The following IGFBP7 variants were observed in gnomAD, a reference collection of about 807,000 sequenced individuals.
IGFBP7 encodes insulin-like growth factor-binding protein 7.
Under a neutral mutation model 29.4 loss-of-function variants are expected in IGFBP7, and 31 were observed. The observed-to-expected ratio is 1.05, with a 90% CI of 0.79 to 1.42. IGFBP7 has a LOEUF of 1.42. Among genes scored for constraint, IGFBP7 ranks in the 40% most tolerant of loss-of-function variants. IGFBP7 has a pLI of 0.00. For synonymous variants in IGFBP7, 172 were observed against 174.9 expected, an observed-to-expected ratio of 0.98 and a Z score of 0.13; for missense variants, 393 against 395.5, an observed-to-expected ratio of 0.99 and a Z score of 0.05.
At chr4:57,053,896 C>G (rs1347435400) in intron 1 of IGFBP7, among the ~76,000 whole-genome samples, 1 of 152,168 alleles carries the variant, frequency 6.6e-6, no homozygotes, top group Non-Finnish European at 1.5e-5. Flanking sequence ...TCTTATTCTG[C>G]AAGCACTGAA....
In IGFBP7 at chr4:57,032,640, C is replaced by T. The variant is rs531206638; in HGVS notation, c.703-88G>A. 115 of 1,063,446 alleles carry T rather than the reference C, an allele frequency of 1.1e-4. No individual in the cohort carries two copies. The Admixed American group carries it at 2.0e-3, about 18-fold the overall frequency. 65.9% of individuals were successfully genotyped at this position (1,063,446 alleles called of 1,614,324 possible). The stretch of plus-strand genomic sequence containing the variant: ...GTGAGGTCATTATTTCATAAATTTC[C>T]TAAGATGACCAGGGGATTCATAGCA... On this transcript the variant is annotated intron_variant, in intron 3 of 4. Coordinates refer to ENST00000295666, the MANE Select transcript of IGFBP7 (RefSeq NM_001553.3).
intron 1 of IGFBP7, among the ~76,000 whole-genome samples, chr4:57,081,244 A>AT (rs938320199): frequency 1.1e-4 from 17 of 150,138 alleles, no homozygotes; most frequent in Non-Finnish European, 1.9e-4. Context: ...GGAATTGCCC[A>AT]TTTTTTTTTC....
At position 57,110,290 on chromosome 4, in the gene IGFBP7, A is replaced by C; in HGVS notation, c.62T>G (p.Leu21Arg). ...CGAAGAGGAGGAAGAGGAGAGGGGCAGGAGCAGGAGCAGCAGCCCAGCGGC... is the reference window on the plus strand; with the variant it reads ...CGAAGAGGAGGAAGAGGAGAGGGGCCGGAGCAGGAGCAGCAGCCCAGCGGC... Reference protein sequence around the residue: ...LGAAGLLLLLLPLSSSSSSDT... With the variant: ...LGAAGLLLLLRPLSSSSSSDT... The change falls in exon 1 of 5, where the codon CTG (leucine) becomes CGG (arginine). Residue 21 changes from leucine (L) to arginine (R), a missense_variant. By Grantham distance (102) the Leu-to-Arg change is moderately radical. Coordinates refer to ENST00000295666, the MANE Select transcript of IGFBP7 (RefSeq NM_001553.3). 1 of 1,425,506 alleles carries C rather than the reference A, an allele frequency of 7.0e-7. No homozygotes were observed. The highest frequency in any genetic ancestry group is 9.2e-7 in the Non-Finnish European group (1 of 1,089,942). 88.3% of individuals were successfully genotyped at this position (1,425,506 alleles called of 1,614,324 possible).
chr4:57,068,823 C>T (rs1475856113), intron 1 of IGFBP7, among the ~76,000 whole-genome samples: 4 of 152,030 alleles, frequency 2.6e-5, no homozygotes, highest in African/African-American at 9.7e-5. Flanking sequence ...GGCTCATGCC[C>T]TCAAAGTTGA....
intron 1 of IGFBP7, among the ~76,000 whole-genome samples, chr4:57,057,638 C>T (rs1263381872): frequency 6.6e-6 from 1 of 152,140 alleles, no homozygotes; most frequent in African/African-American, 2.4e-5. Context: ...CTGTTTATGC[C>T]TCCCTCATCC....
chr4:57,089,405 G>A (rs1012204709), intron 1 of IGFBP7, among the ~76,000 whole-genome samples: 1 of 152,174 alleles, frequency 6.6e-6, no homozygotes, highest in Non-Finnish European at 1.5e-5. Flanking sequence ...GAAGGAAAGA[G>A]TGAAATGTCA....
chr4:57,042,210 C>T (rs1325023774), intron 1 of IGFBP7, among the ~76,000 whole-genome samples: 1 of 152,202 alleles, frequency 6.6e-6, no homozygotes, highest in Non-Finnish European at 1.5e-5. Flanking sequence ...CCATGTGTAT[C>T]CTTTTTGCTA....
chr4:57,076,290 C>G (rs960154472), intron 1 of IGFBP7, among the ~76,000 whole-genome samples: 1 of 152,164 alleles, frequency 6.6e-6, no homozygotes, highest in Non-Finnish European at 1.5e-5. Flanking sequence ...CTGGGGGACA[C>G]CAATATTCAG....
At position 57,030,802 on chromosome 4, in the gene IGFBP7, A is replaced by T. The variant is rs893588213; in HGVS notation, c.*515T>A. ...TGTTCTCAGCTCCACTCATTTATTC[A>T]TTATCTACAGTACCAGATCTTTGTC... is the stretch of plus-strand genomic sequence containing the variant. On this transcript the variant is annotated 3_prime_UTR_variant, in exon 5 of 5. Coordinates refer to ENST00000295666, the MANE Select transcript of IGFBP7 (RefSeq NM_001553.3). The T allele has an allele frequency of 9.7e-6, 7 of 721,108 alleles. No homozygotes were observed. The African/African-American group carries it at 1.2e-4, about 13-fold the overall frequency. The allele number at this position is 721,108 out of a possible 1,614,324, so 44.7% of individuals were successfully genotyped here.
chr4:57,083,326 T>C (rs1203350918), intron 1 of IGFBP7, among the ~76,000 whole-genome samples: 1 of 152,176 alleles, frequency 6.6e-6, no homozygotes, highest in African/African-American at 2.4e-5. Context: ...GTGAGAAATT[T>C]TCAAAAAATT....
chr4:57,049,133 T>C (rs1251857101), intron 1 of IGFBP7, among the ~76,000 whole-genome samples: 3 of 152,122 alleles, frequency 2.0e-5, no homozygotes, highest in Admixed American at 6.5e-5. Flanking sequence ...GTTCACTTCC[T>C]CAGGGATTAA....
At chr4:57,048,299 T>A (rs558351389) in intron 1 of IGFBP7, among the ~76,000 whole-genome samples, 31 of 152,166 alleles carry the variant, frequency 2.0e-4, no homozygotes, top group Non-Finnish European at 4.3e-4. Flanking sequence ...TCCACCTGCC[T>A]CGGCCTCCCA....
intron 1 of IGFBP7, among the ~76,000 whole-genome samples, chr4:57,087,779 G>A (rs890590454): frequency 2.0e-5 from 3 of 152,134 alleles, no homozygotes; most frequent in Non-Finnish European, 2.9e-5. Flanking sequence ...TTTAATACAG[G>A]TCCTGCTTGC....
chr4:57,103,664 T>TTTC (rs1725955631), intron 1 of IGFBP7, among the ~76,000 whole-genome samples: 1 of 130,366 alleles, frequency 7.7e-6, no homozygotes, highest in Non-Finnish European at 1.6e-5. Context: ...TCTTTTCTTT[T>TTTC]TTTTTTTTTT....
At chr4:57,084,451 T>C (rs897125000) in intron 1 of IGFBP7, among the ~76,000 whole-genome samples, 7 of 152,174 alleles carry the variant, frequency 4.6e-5, no homozygotes, top group Non-Finnish European at 8.8e-5. Context: ...ACTTGAACAT[T>C]TTGAGAGTAA....
intron 1 of IGFBP7, among the ~76,000 whole-genome samples, chr4:57,075,788 G>A (rs977507520): frequency 6.6e-6 from 1 of 152,160 alleles, no homozygotes; most frequent in Non-Finnish European, 1.5e-5. Flanking sequence ...CAAGGCAGAG[G>A]AATGTGGTGG....
chr4:57,100,069 TTC>T (rs1410928720), intron 1 of IGFBP7, among the ~76,000 whole-genome samples: 2 of 31,054 alleles, frequency 6.4e-5, no homozygotes, highest in Non-Finnish European at 6.6e-5. Flanking sequence ...TTTCTTTTCT[TTC>T]TTTTTTTTTT....
chr4:57,077,701 T>C (rs1053178687), intron 1 of IGFBP7, among the ~76,000 whole-genome samples: 2 of 152,234 alleles, frequency 1.3e-5, no homozygotes, highest in Non-Finnish European at 2.9e-5. Context: ...TCATCAGTCT[T>C]CAGGAATGTA....
chr4:57,038,648 A>G (rs1294764740), intron 2 of IGFBP7, among the ~76,000 whole-genome samples: 1 of 152,206 alleles, frequency 6.6e-6, no homozygotes, highest in Non-Finnish European at 1.5e-5. Context: ...GCAGCTTAAA[A>G]TGGATGTCTG....
Sources: allele counts gnomAD v4.1 joint callset (sites outside exome capture counted in the v4.1 genomes callset), GRCh38; gene constraint gnomAD v4.1.1; transcripts MANE v1.5; gene names NCBI Gene and HGNC (gene_info 2026-07-23, HGNC 2026-07-21).